Variants in CAMTA1 observed in about 807,000 individuals in gnomAD.
CAMTA1 encodes calmodulin binding transcription activator 1, also known as calmodulin-binding transcription activator 1.
Under a neutral mutation model 170.9 loss-of-function variants are expected in CAMTA1, and 27 were observed. The observed-to-expected ratio is 0.16, with a 90% CI of 0.12 to 0.22. The LOEUF (loss-of-function observed/expected upper bound fraction) is 0.22. Among genes scored for constraint, CAMTA1 ranks in the 10% least tolerant of loss-of-function variants. The pLI is 1.00. For missense variants in CAMTA1, 1,619 were observed against 2,217.2 expected, an observed-to-expected ratio of 0.73 and a Z score of 5.42; for synonymous variants, 833 against 891.5, an observed-to-expected ratio of 0.93 and a Z score of 1.17.
intron 6 of CAMTA1, among the ~76,000 whole-genome samples, chr1:7,546,139 G>A (rs965679561): frequency 2.0e-5 from 3 of 151,974 alleles, no homozygotes; most frequent in Non-Finnish European, 4.4e-5. Context: ...GTATTTTTTA[G>A]TAGAGACAGG....
intron 5 of CAMTA1, among the ~76,000 whole-genome samples, chr1:7,387,101 G>A (rs986918851): frequency 1.3e-5 from 2 of 151,990 alleles, no homozygotes; most frequent in Non-Finnish European, 2.9e-5. Flanking sequence ...GTCTCTGGGT[G>A]GAACTCACCC....
chr1:7,000,557 G>A (rs1004090218), intron 3 of CAMTA1, among the ~76,000 whole-genome samples: 15 of 152,232 alleles, frequency 9.9e-5, no homozygotes, highest in African/African-American at 3.1e-4. Flanking sequence ...AGCCTGTGGA[G>A]CAGGTCAGCT....
rs1191360136 is a variant in CAMTA1 at position 7,492,812 on chromosome 1, C to T, written c.510+24911C>T. Among the ~76,000 whole-genome samples, 50 of 144,990 alleles carry T rather than the reference C, an allele frequency of 3.4e-4. 1 individual carries two copies. The highest frequency in any genetic ancestry group is 1.1e-3 in the African/African-American group (40 of 37,754). Reference sequence around the variant, plus strand: ...ACACAAACCTACGTATACACATGCGCGCACAGACACACAAACATACAAACA... The same window carrying T: ...ACACAAACCTACGTATACACATGCGTGCACAGACACACAAACATACAAACA... On this transcript the variant is annotated intron_variant, in intron 6 of 22. Transcript: ENST00000303635.
At chr1:7,411,305 G>A (rs1050632966) in intron 5 of CAMTA1, among the ~76,000 whole-genome samples, 1 of 152,088 alleles carries the variant, frequency 6.6e-6, no homozygotes, top group Admixed American at 6.5e-5. Context: ...TCTAGTCCCC[G>A]ACTGACGCAG....
At chr1:7,746,242 C>A in intron 18 of CAMTA1, 151 bp downstream of exon 18, 2 of 758,560 alleles carry the variant, frequency 2.6e-6, no homozygotes, top group Non-Finnish European at 2.1e-6. Flanking sequence ...TATTAAGATT[C>A]ACTATATAAC....
chr1:7,158,547 G>A (rs1258060042), intron 4 of CAMTA1, among the ~76,000 whole-genome samples: 1 of 152,144 alleles, frequency 6.6e-6, no homozygotes, highest in East Asian at 1.9e-4. Context: ...TTGAACTCTA[G>A]CTAATGATAT....
chr1:7,349,479 G>A (rs1048602331), intron 5 of CAMTA1, among the ~76,000 whole-genome samples: 1 of 152,166 alleles, frequency 6.6e-6, no homozygotes, highest in African/African-American at 2.4e-5. Flanking sequence ...CTGATCCCAT[G>A]CCATGTGTGT....
intron 5 of CAMTA1, among the ~76,000 whole-genome samples, chr1:7,464,417 T>TA (rs1243164413): frequency 6.6e-6 from 1 of 152,110 alleles, no homozygotes; most frequent in Non-Finnish European, 1.5e-5. Flanking sequence ...GATTAGTGGA[T>TA]AAAGGGAATG....
At chr1:6,827,529 CCTG>C (rs1168627257) in intron 3 of CAMTA1, among the ~76,000 whole-genome samples, 15 of 151,998 alleles carry the variant, frequency 9.9e-5, no homozygotes, top group African/African-American at 3.6e-4. Flanking sequence ...GCGATGATAA[CCTG>C]CTATTTTTTT....
chr1:7,680,732 A>G lies in CAMTA1; in HGVS notation c.2914+2999A>G, dbSNP rs1023277543. 1.3e-5 allele frequency among the ~76,000 whole-genome samples: 2 copies of G among 151,576 alleles called. No homozygotes were observed. Among genetic ancestry groups the G allele is most frequent in the Non-Finnish European group, 2.9e-5 (2 of 67,846 alleles). ...TTGTCCCCTCTGCCATGCGCGGGGG[A>G]AAATGTTTGAGGGCGGGGAAGAGAC... On this transcript the variant is annotated intron_variant, in intron 11 of 22. Transcript: ENST00000303635. The surrounding 1 kb of genome is among the most constrained non-coding windows in gnomAD (Gnocchi z 4.4).
intron 6 of CAMTA1, among the ~76,000 whole-genome samples, chr1:7,536,328 T>G (rs1185827429): frequency 6.6e-6 from 1 of 152,224 alleles, no homozygotes; most frequent in Non-Finnish European, 1.5e-5. Context: ...CTCAGCACTT[T>G]CAGGGTGAGC....
At position 7,146,675 on chromosome 1, in the gene CAMTA1, G is replaced by T. The variant is rs1310410692; in HGVS notation, c.302+55304G>T. On this transcript the variant is annotated intron_variant, in intron 4 of 22. Coordinates refer to ENST00000303635, the MANE Select transcript of CAMTA1 (RefSeq NM_015215.4). The surrounding 1 kb of genome is among the most constrained non-coding windows in gnomAD (Gnocchi z 4.3). ...CCCTGGGACCGGCTGTGTAGGGGTT[G>T]ATGTGGGCAGTCAGAGGGGGTAGGG... is the stretch of plus-strand genomic sequence containing the variant. 2.0e-5 allele frequency among the ~76,000 whole-genome samples: 3 copies of T among 152,090 alleles called. No individual in the cohort carries two copies. The highest frequency in any genetic ancestry group is 4.8e-5 in the African/African-American group (2 of 41,396).
intron 4 of CAMTA1, among the ~76,000 whole-genome samples, chr1:7,130,374 G>T (rs144889022): frequency 4.6e-5 from 7 of 152,206 alleles, no homozygotes; most frequent in Non-Finnish European, 8.8e-5. Context: ...CTATTCACTT[G>T]TTCGTGCATA....
chr1:6,899,498 C>G (rs1238426109), intron 3 of CAMTA1, among the ~76,000 whole-genome samples: 2 of 151,710 alleles, frequency 1.3e-5, no homozygotes, highest in Non-Finnish European at 2.9e-5. Context: ...CAGTGGAGTG[C>G]TTGAGAGTTA....
intron 3 of CAMTA1, among the ~76,000 whole-genome samples, chr1:6,959,715 A>G (rs1313940637): frequency 6.6e-6 from 1 of 152,202 alleles, no homozygotes; most frequent in Non-Finnish European, 1.5e-5. Flanking sequence ...AGTCTGTGAG[A>G]CAGCCCTGAC....
chr1:7,005,425 T>C (rs957123053), intron 3 of CAMTA1, among the ~76,000 whole-genome samples: 1 of 152,224 alleles, frequency 6.6e-6, no homozygotes, highest in Non-Finnish European at 1.5e-5. Flanking sequence ...TGTGAATTCA[T>C]GTATTAATTT....
At chr1:7,345,579 C>T (rs924223164) in intron 5 of CAMTA1, among the ~76,000 whole-genome samples, 2 of 152,122 alleles carry the variant, frequency 1.3e-5, no homozygotes, top group African/African-American at 2.4e-5. Context: ...TTGTAAACCC[C>T]GGGGCTCACT....
At chr1:7,047,605 A>G (rs12025462) in intron 3 of CAMTA1, among the ~76,000 whole-genome samples, 41,846 of 151,832 alleles carry the variant, frequency 0.28, 6,052 homozygotes, top group East Asian at 0.36. Flanking sequence ...GAGTGACCCT[A>G]GAAGTTGCCC....
intron 6 of CAMTA1, among the ~76,000 whole-genome samples, chr1:7,591,920 T>C (rs1167777453): frequency 1.3e-5 from 2 of 152,182 alleles, no homozygotes; most frequent in African/African-American, 2.4e-5. Context: ...TATTTTGAGA[T>C]GGAGTTTCGC....
Sources: allele counts gnomAD v4.1 joint callset (sites outside exome capture counted in the v4.1 genomes callset), GRCh38; gene constraint gnomAD v4.1.1; non-coding constraint Gnocchi (gnomAD v3.1); transcripts MANE v1.5; gene names NCBI Gene and HGNC (gene_info 2026-07-23, HGNC 2026-07-21).